Variants in HIVEP2 observed in about 807,000 individuals in gnomAD.
The protein encoded by HIVEP2 is transcription factor HIVEP2.
In HIVEP2, 14 loss-of-function variants were observed where a neutral mutation model predicts 180.7. The observed-to-expected ratio is 0.08, with a 90% CI of 0.05 to 0.12. HIVEP2 has a LOEUF of 0.12. Among genes scored for constraint, HIVEP2 ranks in the 10% least tolerant of loss-of-function variants. HIVEP2 has a pLI of 1.00. For missense variants in HIVEP2, 2,579 were observed against 3,008.5 expected (o/e 0.86, Z 3.34); for synonymous variants, 1,184 against 1,136.4 (o/e 1.04, Z -0.84).
chr6:142,798,039 G>A (rs182490368), intron 2 of HIVEP2, among the ~76,000 whole-genome samples: 142 of 152,134 alleles, frequency 9.3e-4, no homozygotes, highest in African/African-American at 3.2e-3. Flanking sequence ...ACATTAAAAG[G>A]GATTTTCATC....
intron 1 of HIVEP2, among the ~76,000 whole-genome samples, chr6:142,850,239 GA>G (rs1055046421): frequency 3.3e-5 from 5 of 151,744 alleles, no homozygotes; most frequent in African/African-American, 1.2e-4. Context: ...CTATGGCCCT[GA>G]AAAAAAATAC....
At chr6:142,788,736 CAAACA>C (rs1776068038) in intron 2 of HIVEP2, among the ~76,000 whole-genome samples, 1 of 149,658 alleles carries the variant, frequency 6.7e-6, no homozygotes, top group Non-Finnish European at 1.5e-5. Flanking sequence ...AACAAACAAA[CAAACA>C]AAACAAACAA....
chr6:142,870,218 A>G (rs1776254937), intron 1 of HIVEP2, among the ~76,000 whole-genome samples: 1 of 151,960 alleles, frequency 6.6e-6, no homozygotes, highest in African/African-American at 2.4e-5. Context: ...GCAGAGAAGG[A>G]CCCATGGGTT....
At chr6:142,760,773 C>T in intron 8 of HIVEP2, 106 bp from the exon 9 acceptor site, 1 of 769,066 alleles carries the variant, frequency 1.3e-6, no homozygotes, top group Non-Finnish European at 2.0e-6. Context: ...TCCCTAGTGC[C>T]CACAGATAGT....
At chr6:142,912,208 G>C (rs1370450007) in intron 1 of HIVEP2, among the ~76,000 whole-genome samples, 1 of 152,168 alleles carries the variant, frequency 6.6e-6, no homozygotes, top group Non-Finnish European at 1.5e-5. Context: ...GTGTTTAGTG[G>C]CTACCATATT....
At chr6:142,761,153 C>T (rs580717) in intron 8 of HIVEP2, among the ~76,000 whole-genome samples, 42,510 of 151,982 alleles carry the variant, frequency 0.28, 6,314 homozygotes, top group Middle Eastern at 0.49. Context: ...TTTTCAAATT[C>T]CCCAAAAAGC....
intron 1 of HIVEP2, among the ~76,000 whole-genome samples, chr6:142,903,316 C>A (rs1162680090): frequency 6.6e-6 from 1 of 152,180 alleles, no homozygotes; most frequent in Non-Finnish European, 1.5e-5. Context: ...CTTATCTATG[C>A]CAGTTAGTAA....
chr6:142,753,089 G>T lies in HIVEP2; in HGVS notation c.*18C>A. The T allele has an allele frequency of 7.1e-7, 1 of 1,415,374 alleles. No individual in the cohort carries two copies. Among genetic ancestry groups the T allele is most frequent in the South Asian group, 1.2e-5 (1 of 86,466 alleles). The allele number at this position is 1,415,374 out of a possible 1,614,324, so 87.7% of individuals were successfully genotyped here. On this transcript the variant is annotated 3_prime_UTR_variant, in exon 10 of 10. Transcript: ENST00000367603. ...AAAATGGGAAAATGTGGAAATGAAA[G>T]TCTCCATGCATCATAGATCAATGTA...
At chr6:142,835,809 TGGAGATTATTTTAGACAAAG>T (rs746763586) in intron 2 of HIVEP2, among the ~76,000 whole-genome samples, 4 of 152,154 alleles carry the variant, frequency 2.6e-5, no homozygotes, top group Non-Finnish European at 2.9e-5. Context: ...TCTTAGGCAG[TGGAGATTATTTTAGACAAAG>T]GGAGATTATT....
intron 1 of HIVEP2, among the ~76,000 whole-genome samples, chr6:142,914,328 G>C (rs1049575809): frequency 6.6e-6 from 1 of 152,060 alleles, no homozygotes; most frequent in Non-Finnish European, 1.5e-5. Context: ...CTTTCTTAGA[G>C]GTACATCAAA....
At chr6:142,840,074 C>G (rs564053188) in intron 1 of HIVEP2, among the ~76,000 whole-genome samples, 5 of 152,186 alleles carry the variant, frequency 3.3e-5, no homozygotes, top group Admixed American at 1.3e-4. Flanking sequence ...TGAGAGAGAA[C>G]AGACCTCAAA....
chr6:142,852,487 A>T (rs572676262), intron 1 of HIVEP2, among the ~76,000 whole-genome samples: 45 of 152,342 alleles, frequency 3.0e-4, no homozygotes, highest in Non-Finnish European at 4.9e-4. Context: ...CATGCTGAAT[A>T]ATCAATTACA....
At chr6:142,884,705 CA>C (rs972480454) in intron 1 of HIVEP2, among the ~76,000 whole-genome samples, 3 of 151,996 alleles carry the variant, frequency 2.0e-5, no homozygotes, top group Non-Finnish European at 4.4e-5. Context: ...GACAGACTAG[CA>C]AAAAAGTTTG....
intron 1 of HIVEP2, among the ~76,000 whole-genome samples, chr6:142,878,045 A>G (rs1404026578): frequency 6.6e-6 from 1 of 152,146 alleles, no homozygotes; most frequent in Admixed American, 6.6e-5. Context: ...ATATTATTTA[A>G]CTAATCCTCA....
chr6:142,879,352 T>C (rs1776524546), intron 1 of HIVEP2, among the ~76,000 whole-genome samples: 1 of 152,140 alleles, frequency 6.6e-6, no homozygotes, highest in Non-Finnish European at 1.5e-5. Context: ...TAGTGGCACT[T>C]ACACTATCCA....
chr6:142,772,815 G>A lies in HIVEP2; in HGVS notation c.1924C>T (p.Arg642Trp), dbSNP rs756996747. 2.4e-5 allele frequency: 38 copies of A among 1,614,142 alleles called. 1 individual carries two copies. Among genetic ancestry groups the A allele is most frequent in the Admixed American group, 2.0e-4 (12 of 60,008 alleles). ...TCCTCCCACTTCTTATAGGGTTTCC[G>A]ACAGACATCATAGTCATACCCAACC... ...DRVGYDYDVC[R>W]KPYKKWEDSE... The change falls in exon 5 of 10, where the codon CGG becomes TGG. Residue 642 changes from arginine (R) to tryptophan (W), a missense_variant. Coordinates refer to ENST00000367603, the MANE Select transcript of HIVEP2 (RefSeq NM_006734.4). The surrounding 1 kb of genome is among the most constrained non-coding windows in gnomAD (Gnocchi z 4.9).
At chr6:142,795,452 A>G (rs1411896186) in intron 2 of HIVEP2, among the ~76,000 whole-genome samples, 1 of 152,206 alleles carries the variant, frequency 6.6e-6, no homozygotes, top group African/African-American at 2.4e-5. Context: ...CAAATAATCA[A>G]ATAAAAACAA....
intron 1 of HIVEP2, among the ~76,000 whole-genome samples, chr6:142,850,236 C>T (rs1775614021): frequency 6.6e-6 from 1 of 151,680 alleles, no homozygotes; most frequent in Non-Finnish European, 1.5e-5. Context: ...CAGCTATGGC[C>T]CTGAAAAAAA....
At chr6:142,766,653 A>C (rs1775386377) in intron 6 of HIVEP2, among the ~76,000 whole-genome samples, 1 of 152,214 alleles carries the variant, frequency 6.6e-6, no homozygotes, top group Non-Finnish European at 1.5e-5. Flanking sequence ...TGCTTCCAGA[A>C]TGAAAATACA....
Sources: allele counts gnomAD v4.1 joint callset (sites outside exome capture counted in the v4.1 genomes callset), GRCh38; gene constraint gnomAD v4.1.1; non-coding constraint Gnocchi (gnomAD v3.1); transcripts MANE v1.5; gene names NCBI Gene and HGNC (gene_info 2026-07-23, HGNC 2026-07-21).